TRDN: variants seen among roughly 807,000 people sequenced by gnomAD.
TRDN encodes the protein triadin.
A neutral mutation model predicts 149.7 loss-of-function variants in TRDN; 161 were observed. That is an observed-to-expected ratio of 1.08 (90% CI 0.95 to 1.23). TRDN has a LOEUF of 1.23. TRDN is among the 50% of genes most tolerant of loss of function. The pLI, the probability that TRDN is intolerant of heterozygous loss-of-function variation, is 0.00. For missense variants in TRDN, 896 were observed against 823.5 expected, an observed-to-expected ratio of 1.09 and a Z score of -1.08; for synonymous variants, 294 against 250.5, an observed-to-expected ratio of 1.17 and a Z score of -1.64.
At chr6:123,377,137 G>A (rs1227632041) in intron 18 of TRDN, among the ~76,000 whole-genome samples, 1 of 152,016 alleles carries the variant, frequency 6.6e-6, no homozygotes, top group African/African-American at 2.4e-5. Context: ...CTCTCAATCA[G>A]TTTTTTTCTC....
At chr6:123,226,186 C>G (rs778290788) in intron 38 of TRDN, among the ~76,000 whole-genome samples, 1 of 151,548 alleles carries the variant, frequency 6.6e-6, no homozygotes, top group African/African-American at 2.4e-5. Flanking sequence ...GATAAAATGA[C>G]CATGGTCTTG....
intron 2 of TRDN, among the ~76,000 whole-genome samples, chr6:123,552,185 T>C (rs1314078565): frequency 6.6e-6 from 1 of 152,132 alleles, no homozygotes; most frequent in East Asian, 1.9e-4. Context: ...AATATACCAC[T>C]GAATGCCGGG....
chr6:123,378,295 T>G (rs1781585529), intron 16 of TRDN, among the ~76,000 whole-genome samples: 1 of 152,176 alleles, frequency 6.6e-6, no homozygotes, highest in Admixed American at 6.5e-5. Flanking sequence ...GCTTAGTTTT[T>G]CTGAGACAGG....
intron 1 of TRDN, among the ~76,000 whole-genome samples, chr6:123,605,302 T>C (rs1400244514): frequency 6.7e-6 from 1 of 148,646 alleles, no homozygotes; most frequent in African/African-American, 2.4e-5. Flanking sequence ...AACACACACA[T>C]ATATATAAAC....
chr6:123,326,594 A>G (rs1364727092), intron 23 of TRDN, among the ~76,000 whole-genome samples: 1 of 151,960 alleles, frequency 6.6e-6, no homozygotes, highest in Non-Finnish European at 1.5e-5. Flanking sequence ...GGTTTACATG[A>G]ATGTCCTATA....
At chr6:123,593,849 T>C (rs1783906048) in intron 1 of TRDN, among the ~76,000 whole-genome samples, 1 of 152,282 alleles carries the variant, frequency 6.6e-6, no homozygotes. Context: ...CTCCTCACCA[T>C]ACAATAAAAT....
intron 1 of TRDN, among the ~76,000 whole-genome samples, chr6:123,585,592 G>GTCAA (rs1222585480): frequency 3.3e-5 from 5 of 152,196 alleles, no homozygotes; most frequent in African/African-American, 1.2e-4. Context: ...GAAGGAGTCT[G>GTCAA]AGAGCCTTGG....
At chr6:123,460,429 C>A (rs1229906385) in intron 10 of TRDN, among the ~76,000 whole-genome samples, 2 of 152,008 alleles carry the variant, frequency 1.3e-5, no homozygotes, top group Non-Finnish European at 2.9e-5. Context: ...ATTAGCAACT[C>A]TTTAAGTTAA....
At position 123,438,970 on chromosome 6, in the gene TRDN, T is replaced by G; in HGVS notation, c.965A>C (p.Lys322Thr). 1 of 1,562,714 alleles carries G rather than the reference T, an allele frequency of 6.4e-7. No individual in the cohort carries two copies. The highest frequency in any genetic ancestry group is 8.7e-7 in the Non-Finnish European group (1 of 1,152,210). Residue 322 changes from lysine to threonine, a missense_variant, in exon 11 of 41, where the codon AAA (lysine) becomes ACA (threonine). By Grantham distance (78) the Lys-to-Thr change is moderately conservative. Transcript: ENST00000334268. ...KEGEKKKAEK[K>T]VTSETKKKEK... ...TTTCTTTTTTGTTTCAGAAGTAACT[T>G]TCTTCTCAGCCTTCTTCTTTTCCCC...
At chr6:123,594,788 A>C (rs1783955689) in intron 1 of TRDN, among the ~76,000 whole-genome samples, 1 of 152,054 alleles carries the variant, frequency 6.6e-6, no homozygotes, top group Non-Finnish European at 1.5e-5. Context: ...AGTATTATTT[A>C]GGTAGCATGA....
intron 2 of TRDN, among the ~76,000 whole-genome samples, chr6:123,561,390 T>C (rs917188063): frequency 6.6e-6 from 1 of 152,174 alleles, no homozygotes; most frequent in Non-Finnish European, 1.5e-5. Flanking sequence ...CCACTTGCCC[T>C]TCTCAGCATT....
rs183056446 is a variant in TRDN at position 123,557,737 on chromosome 6, G to A, written c.233-9125C>T. On this transcript the variant is annotated intron_variant, in intron 2 of 40. Transcript: ENST00000334268. ...TAGCAGCAAGCACCGCTTTTCTGGG[G>A]GGCAAGCACCTCCAACCCCTTCCCT... 1.5e-3 allele frequency among the ~76,000 whole-genome samples: 225 copies of A among 151,896 alleles called. 1 individual carries two copies. Among genetic ancestry groups the A allele is most frequent in the African/African-American group, 5.0e-3 (206 of 41,430 alleles).
At chr6:123,308,348 T>C (rs1213613367) in intron 24 of TRDN, among the ~76,000 whole-genome samples, 1 of 151,764 alleles carries the variant, frequency 6.6e-6, no homozygotes, top group Non-Finnish European at 1.5e-5. Context: ...GTTTTTTTTT[T>C]TTTTTGGTAG....
At chr6:123,417,463 A>G (rs898760949) in intron 12 of TRDN, among the ~76,000 whole-genome samples, 7 of 152,208 alleles carry the variant, frequency 4.6e-5, no homozygotes, top group Admixed American at 1.3e-4. Flanking sequence ...ATGTATATAA[A>G]TAACATTATA....
At chr6:123,407,275 G>A (rs1298318914) in intron 12 of TRDN, among the ~76,000 whole-genome samples, 3 of 152,136 alleles carry the variant, frequency 2.0e-5, no homozygotes, top group African/African-American at 7.2e-5. Context: ...CAAACCGAAC[G>A]AAACATGTTT....
At chr6:123,560,343 CTAAA>C (rs1363391533) in intron 2 of TRDN, among the ~76,000 whole-genome samples, 8 of 152,272 alleles carry the variant, frequency 5.3e-5, no homozygotes, top group East Asian at 1.9e-4. Context: ...TATACTGACT[CTAAA>C]TATGCCTTCC....
At chr6:123,406,563 T>C (rs1773198020) in intron 12 of TRDN, among the ~76,000 whole-genome samples, 1 of 151,704 alleles carries the variant, frequency 6.6e-6, no homozygotes, top group Admixed American at 6.6e-5. Context: ...TATATAATAT[T>C]AAATTTTATT....
At chr6:123,420,668 CAT>C (rs1773859969) in intron 12 of TRDN, among the ~76,000 whole-genome samples, 2 of 152,108 alleles carry the variant, frequency 1.3e-5, no homozygotes, top group African/African-American at 4.8e-5. Context: ...AAATACATCT[CAT>C]GTGATGGAAG....
At chr6:123,544,189 C>T (rs1288880523) in intron 4 of TRDN, among the ~76,000 whole-genome samples, 1 of 150,868 alleles carries the variant, frequency 6.6e-6, no homozygotes, top group Non-Finnish European at 1.5e-5. Context: ...ATAAATCTAA[C>T]CCTATATTTT....
Sources: gnomAD v4.1 joint callset for allele counts (sites outside exome capture counted in the v4.1 genomes callset) on GRCh38, gnomAD v4.1.1 for gene constraint, MANE v1.5 for transcripts, NCBI Gene and HGNC (gene_info 2026-07-23, HGNC 2026-07-21) for gene names.